ARHGEF38: variants seen among roughly 807,000 people sequenced by gnomAD.
ARHGEF38 encodes Rho guanine nucleotide exchange factor 38.
In ARHGEF38, 79 loss-of-function variants were observed where a neutral mutation model predicts 79.9. The observed-to-expected ratio is 0.99, with a 90% CI of 0.82 to 1.19. The LOEUF is 1.19. ARHGEF38 is among the 50% of genes most tolerant of loss of function. ARHGEF38 has a pLI of 0.00. For missense variants in ARHGEF38, 962 were observed against 907.2 expected, an observed-to-expected ratio of 1.06 and a Z score of -0.78; for synonymous variants, 366 against 328.3, an observed-to-expected ratio of 1.11 and a Z score of -1.24.
Position 105,679,936 on chromosome 4 carries a change from C to G in ARHGEF38, c.*1999C>G, listed in dbSNP as rs1335869655. 4 of 1,382,014 alleles carry G rather than the reference C, an allele frequency of 2.9e-6. No individual in the cohort carries two copies. The highest frequency in any genetic ancestry group is 1.2e-5 in the South Asian group (1 of 86,232). 85.6% of individuals were successfully genotyped at this position (1,382,014 alleles called of 1,614,324 possible). A position where few individuals can be genotyped will look rare whatever the true frequency, so the allele number is the denominator to read the frequency against. On this transcript the variant is annotated 3_prime_UTR_variant, in exon 14 of 14. Transcript: ENST00000420470. ...AAACTTTATAATTACCTCTCTGAAG[C>G]CTTTTAGTGTAATTTCTCTTTGTGA...
At chr4:105,574,841 A>T (rs912363031) in intron 1 of ARHGEF38, among the ~76,000 whole-genome samples, 2 of 152,016 alleles carry the variant, frequency 1.3e-5, no homozygotes, top group African/African-American at 4.8e-5. Flanking sequence ...CGTATGTTGT[A>T]TCCAACATGT....
rs974209135 is a variant in ARHGEF38 at position 105,585,640 on chromosome 4, A to G, written c.197-3608A>G. ...TAACCTTAGTTTCACTTTGGCTTTGACATTGTATTTTATTATATGCAAACT... is the reference window on the plus strand; with the variant it reads ...TAACCTTAGTTTCACTTTGGCTTTGGCATTGTATTTTATTATATGCAAACT... On this transcript the variant is annotated intron_variant, in intron 1 of 13. Coordinates refer to ENST00000420470, the MANE Select transcript of ARHGEF38 (RefSeq NM_001242729.2). Among the ~76,000 whole-genome samples, 4 of 150,698 alleles carry G rather than the reference A, an allele frequency of 2.7e-5. No homozygotes were observed. The East Asian group carries it at 7.8e-4, about 29-fold the overall frequency.
intron 1 of ARHGEF38, among the ~76,000 whole-genome samples, chr4:105,564,776 G>T (rs1337699114): frequency 6.6e-6 from 1 of 152,134 alleles, no homozygotes; most frequent in East Asian, 1.9e-4. Context: ...TTTTGTCAAT[G>T]AAAAGAGTCA....
At chr4:105,677,081 A>G (rs1260312087) in intron 13 of ARHGEF38, among the ~76,000 whole-genome samples, 5 of 151,712 alleles carry the variant, frequency 3.3e-5, no homozygotes, top group African/African-American at 1.2e-4. Context: ...CTCCTGCCTC[A>G]GCCTCCTGAG....
chr4:105,665,212 A>G (rs1240304862), intron 10 of ARHGEF38, among the ~76,000 whole-genome samples: 1 of 151,982 alleles, frequency 6.6e-6, no homozygotes, highest in Non-Finnish European at 1.5e-5. Context: ...TTTTAGTAGC[A>G]GGCCAGGTGC....
chr4:105,581,696 C>T (rs1035042698), intron 1 of ARHGEF38, among the ~76,000 whole-genome samples: 3 of 152,012 alleles, frequency 2.0e-5, no homozygotes, highest in Non-Finnish European at 4.4e-5. Context: ...TCTCTTGTTT[C>T]TTGCTTATAA....
intron 2 of ARHGEF38, among the ~76,000 whole-genome samples, chr4:105,610,745 G>T (rs868180650): frequency 2.0e-5 from 3 of 152,122 alleles, no homozygotes; most frequent in African/African-American, 4.8e-5. Context: ...GGAAGAAGTG[G>T]AATTAAAATC....
At chr4:105,652,752 A>G (rs572898232) in intron 7 of ARHGEF38, among the ~76,000 whole-genome samples, 1 of 152,188 alleles carries the variant, frequency 6.6e-6, no homozygotes, top group Non-Finnish European at 1.5e-5. Flanking sequence ...GCATATTGTT[A>G]TACACACTAG....
intron 5 of ARHGEF38, among the ~76,000 whole-genome samples, chr4:105,636,835 T>C (rs1425123000): frequency 1.3e-5 from 2 of 152,240 alleles, no homozygotes; most frequent in South Asian, 2.1e-4. Flanking sequence ...TATGAAAATA[T>C]TAGATTTCTT....
At chr4:105,591,317 C>T (rs1250529538) in intron 2 of ARHGEF38, among the ~76,000 whole-genome samples, 1 of 152,164 alleles carries the variant, frequency 6.6e-6, no homozygotes, top group African/African-American at 2.4e-5. Flanking sequence ...CAAGCTCCGC[C>T]TCCCGGGTTC....
chr4:105,562,164 T>C (rs1032262770), intron 1 of ARHGEF38, among the ~76,000 whole-genome samples: 2 of 152,286 alleles, frequency 1.3e-5, no homozygotes, highest in African/African-American at 4.8e-5. Context: ...CAGCTCAAAA[T>C]AATCAGTATC....
intron 5 of ARHGEF38, among the ~76,000 whole-genome samples, chr4:105,636,794 C>T (rs1729415030): frequency 6.6e-6 from 1 of 151,854 alleles, no homozygotes; most frequent in Non-Finnish European, 1.5e-5. Context: ...TTTGAAGTTT[C>T]TATAGATTAA....
intron 3 of ARHGEF38, among the ~76,000 whole-genome samples, chr4:105,628,155 T>A (rs1729030815): frequency 6.6e-6 from 1 of 152,190 alleles, no homozygotes; most frequent in African/African-American, 2.4e-5. Context: ...AGATAAGTGT[T>A]TTAGCTCTTC....
intron 2 of ARHGEF38, among the ~76,000 whole-genome samples, chr4:105,612,175 T>C (rs1728322932): frequency 6.6e-6 from 1 of 152,032 alleles, no homozygotes; most frequent in Non-Finnish European, 1.5e-5. Flanking sequence ...CTTTCTTCCT[T>C]ACCCCTTGAA....
At position 105,589,453 on chromosome 4, in the gene ARHGEF38, ATT is replaced by A; in HGVS notation, c.384+26_384+27del. The A allele has an allele frequency of 6.3e-7, 1 of 1,584,224 alleles. No homozygotes were observed. ...ATAAAAAGGTAAATATATATTTGAGATTTTTTTTTCTCTCCCATATCATAAAT... is the reference window on the plus strand; with the variant it reads ...ATAAAAAGGTAAATATATATTTGAGATTTTTTTCTCTCCCATATCATAAAT... On this transcript the variant is annotated intron_variant, in intron 2 of 13. Coordinates refer to ENST00000420470, the MANE Select transcript of ARHGEF38 (RefSeq NM_001242729.2).
chr4:105,564,432 A>G (rs1194011396), intron 1 of ARHGEF38, among the ~76,000 whole-genome samples: 1 of 152,162 alleles, frequency 6.6e-6, no homozygotes, highest in Non-Finnish European at 1.5e-5. Context: ...TTCTACTTAT[A>G]TGAGAGTAGT....
chr4:105,610,439 TA>T (rs1300695520), intron 2 of ARHGEF38, among the ~76,000 whole-genome samples: 2 of 152,070 alleles, frequency 1.3e-5, no homozygotes, highest in African/African-American at 4.8e-5. Context: ...TGTCTTTTTT[TA>T]AAAAAATGAA....
chr4:105,648,079 G>A (rs761491515), intron 6 of ARHGEF38, among the ~76,000 whole-genome samples: 1 of 151,654 alleles, frequency 6.6e-6, no homozygotes, highest in East Asian at 1.9e-4. Flanking sequence ...TAGTAGAGAC[G>A]AGGTTTCACC....
chr4:105,656,008 T>C (rs1344534286), intron 9 of ARHGEF38, among the ~76,000 whole-genome samples: 1 of 152,220 alleles, frequency 6.6e-6, no homozygotes, highest in African/African-American at 2.4e-5. Flanking sequence ...TAAGTCTGCA[T>C]GTGAAATATT....
Sources: gnomAD v4.1 joint callset for allele counts (sites outside exome capture counted in the v4.1 genomes callset) on GRCh38, gnomAD v4.1.1 for gene constraint, MANE v1.5 for transcripts, NCBI Gene and HGNC (gene_info 2026-07-23, HGNC 2026-07-21) for gene names.